The following DPP6 variants were observed in gnomAD, a reference collection of about 807,000 sequenced individuals.
DPP6 encodes the protein A-type potassium channel modulatory protein DPP6.
In DPP6, 69 loss-of-function variants were observed where a neutral mutation model predicts 122.6. That is an observed-to-expected ratio of 0.56 (90% confidence interval 0.46 to 0.69). The LOEUF (loss-of-function observed/expected upper bound fraction) is 0.69, where lower values mean the gene tolerates loss of function less well. Among genes scored for constraint, DPP6 ranks in the 30% least tolerant of loss-of-function variants. The pLI, the probability that DPP6 is intolerant of heterozygous loss-of-function variation, is 0.00. For missense variants in DPP6, 928 were observed against 1,116.9 expected (o/e 0.83, Z 2.41); for synonymous variants, 418 against 433.1 (o/e 0.97, Z 0.43).
intron 1 of DPP6, among the ~76,000 whole-genome samples, chr7:154,394,137 C>A (rs1239579090): frequency 2.0e-5 from 3 of 152,140 alleles, no homozygotes; most frequent in Non-Finnish European, 2.9e-5. Context: ...ATGGTTATTT[C>A]ATTTTTAATA....
chr7:154,068,266 A>T (rs1056232454), intron 1 of DPP6, among the ~76,000 whole-genome samples: 1 of 150,078 alleles, frequency 6.7e-6, no homozygotes, highest in Non-Finnish European at 1.5e-5. Context: ...TTATTATTCT[A>T]TTGTTGATTC....
chr7:154,094,356 T>C (rs1040689740), intron 1 of DPP6: 2 of 152,194 alleles, frequency 1.3e-5, no homozygotes, highest in Non-Finnish European at 2.9e-5. Context: ...TAGGGAAGAG[T>C]GCTGGCCCTG....
chr7:154,613,833 G>T (rs191578391), intron 5 of DPP6, among the ~76,000 whole-genome samples: 2 of 151,976 alleles, frequency 1.3e-5, no homozygotes, highest in African/African-American at 4.8e-5. Flanking sequence ...TTCCCCAAAC[G>T]TCCTACCTTC....
At chr7:154,672,801 G>A (rs1838647860) in intron 7 of DPP6, among the ~76,000 whole-genome samples, 1 of 152,162 alleles carries the variant, frequency 6.6e-6, no homozygotes, top group Non-Finnish European at 1.5e-5. Context: ...TCTGCAGAAG[G>A]TCAGATAGCA....
chr7:154,264,595 G>T (rs1328000832), intron 1 of DPP6, among the ~76,000 whole-genome samples: 1 of 152,122 alleles, frequency 6.6e-6, no homozygotes, highest in Non-Finnish European at 1.5e-5. Flanking sequence ...GGCCCGCATT[G>T]GTATCTGTGA....
chr7:153,812,970 A>T, the DPP6 span, among the ~76,000 whole-genome samples: 9 of 152,122 alleles, frequency 5.9e-5, no homozygotes. Context: ...TGGGTCATTG[A>T]GGGTATAAAA....
chr7:154,061,979 C>T (rs183916591), intron 1 of DPP6, among the ~76,000 whole-genome samples: 2,650 of 103,454 alleles, frequency 0.026, 80 homozygotes, highest in Admixed American at 0.033. Flanking sequence ...AGAGCTATCC[C>T]CTCTTCCGCC....
the DPP6 span, among the ~76,000 whole-genome samples, chr7:153,874,788 C>G: frequency 1.3e-5 from 2 of 152,118 alleles, no homozygotes; most frequent in East Asian, 3.9e-4. Flanking sequence ...ATTTAACAAC[C>G]ATTTAACACA....
At chr7:154,030,935 G>C (rs916874791) in intron 1 of DPP6, among the ~76,000 whole-genome samples, 5 of 151,926 alleles carry the variant, frequency 3.3e-5, no homozygotes, top group African/African-American at 9.7e-5. Context: ...CCCCTCTTCT[G>C]GACTCCCCAG....
chr7:154,211,985 TCCTC>T (rs55876924), intron 1 of DPP6, among the ~76,000 whole-genome samples: 101,864 of 151,644 alleles, frequency 0.67, 36,726 homozygotes, highest in Non-Finnish European at 0.8. Context: ...CCCTGCCCCT[TCCTC>T]CCTCATCTCA....
At chr7:154,021,320 G>A (rs1798688372) in intron 1 of DPP6, among the ~76,000 whole-genome samples, 1 of 152,158 alleles carries the variant, frequency 6.6e-6, no homozygotes, top group Admixed American at 6.6e-5. Context: ...ATGGGCCTGA[G>A]ATCTTAGAGT....
At chr7:154,113,710 A>G (rs1403241918) in intron 1 of DPP6, among the ~76,000 whole-genome samples, 3 of 152,168 alleles carry the variant, frequency 2.0e-5, no homozygotes, top group Admixed American at 2.0e-4. Flanking sequence ...TGGGAGTTTT[A>G]CAATGTCAGG....
intron 1 of DPP6, among the ~76,000 whole-genome samples, chr7:154,227,636 T>C (rs561206078): frequency 6.6e-6 from 1 of 152,192 alleles, no homozygotes; most frequent in African/African-American, 2.4e-5. Flanking sequence ...GAGGTCTTCC[T>C]CCTCTCACCC....
At chr7:154,289,348 C>G (rs977261338) in intron 1 of DPP6, among the ~76,000 whole-genome samples, 19 of 152,160 alleles carry the variant, frequency 1.2e-4, no homozygotes, top group African/African-American at 4.1e-4. Flanking sequence ...ACAGCAGGCA[C>G]AGGGTAACTG....
At chr7:154,028,997 C>T (rs1799087286) in intron 1 of DPP6, among the ~76,000 whole-genome samples, 1 of 150,148 alleles carries the variant, frequency 6.7e-6, no homozygotes. Context: ...TCCCCTCTGT[C>T]CTCGAGGCCC....
chr7:154,126,795 G>A (rs933876774), intron 1 of DPP6, among the ~76,000 whole-genome samples: 45 of 152,156 alleles, frequency 3.0e-4, no homozygotes, highest in African/African-American at 9.9e-4. Context: ...CCAAGAAGGA[G>A]GCCCCTAGCT....
rs1799119503 is a variant in DPP6, at chr7:154,029,514, C to T, written c.51+141780C>T. Among the ~76,000 whole-genome samples the T allele has an allele frequency of 2.7e-5, 4 of 150,228 alleles. No individual in the cohort carries two copies. The Admixed American group carries it at 2.7e-4, about 10-fold the overall frequency. The stretch of plus-strand genomic sequence containing the variant: ...CCTGGGTGACTGAGCGAGACTCCAT[C>T]TCAAACAAAAAAAGAAAGAAATTGC... On this transcript the variant is annotated intron_variant, in intron 1 of 25. Transcript: ENST00000404039.
intron 1 of DPP6, among the ~76,000 whole-genome samples, chr7:154,041,903 C>T (rs1585217233): frequency 6.6e-6 from 1 of 152,236 alleles, no homozygotes; most frequent in Non-Finnish European, 1.5e-5. Context: ...GGATTACAGT[C>T]ATACGCCACC....
At chr7:153,889,746 G>A (rs740576) in intron 1 of DPP6, among the ~76,000 whole-genome samples, 33,194 of 152,056 alleles carry the variant, frequency 0.22, 3,673 homozygotes, top group African/African-American at 0.22. Flanking sequence ...AAGTGTCATC[G>A]GAGCAAGGTG....
Sources: gnomAD v4.1 joint callset for allele counts (sites outside exome capture counted in the v4.1 genomes callset) on GRCh38, gnomAD v4.1.1 for gene constraint, MANE v1.5 for transcripts, NCBI Gene and HGNC (gene_info 2026-07-23, HGNC 2026-07-21) for gene names.